EEF1D: variants seen among roughly 807,000 people sequenced by gnomAD.
EEF1D encodes the protein elongation factor 1-delta.
A neutral mutation model predicts 63.9 loss-of-function variants in EEF1D; 47 were observed. The observed-to-expected ratio is 0.74, with a 90% CI of 0.58 to 0.94. The LOEUF (loss-of-function observed/expected upper bound fraction) is 0.94, where lower values mean the gene tolerates loss of function less well. Among genes scored for constraint, EEF1D ranks in the 40% least tolerant of loss-of-function variants. The pLI is 0.00. For synonymous variants in EEF1D, 412 were observed against 386.1 expected (o/e 1.07, Z -0.79); for missense variants, 907 against 899.0 (o/e 1.01, Z -0.11).
At chr8:143,583,030 A>G (rs1056046742) in intron 5 of EEF1D, 1 of 152,240 alleles carries the variant, frequency 6.6e-6, no homozygotes, top group African/African-American at 2.4e-5. Flanking sequence ...CACATGCTGG[A>G]GTCTTATCCC....
chr8:143,583,279 G>A (rs746179226), intron 5 of EEF1D: 6 of 152,266 alleles, frequency 3.9e-5, no homozygotes, highest in Non-Finnish European at 8.8e-5. Context: ...CTCCAGAGCT[G>A]TGAGAAAATA....
At chr8:143,580,825 G>T in intron 7 of EEF1D, 98 bp from the exon 8 acceptor site, 1 of 1,421,500 alleles carries the variant, frequency 7.0e-7, no homozygotes, top group South Asian at 1.2e-5. Flanking sequence ...CCTTTGACTG[G>T]AGGAAGGGCA....
intron 2 of EEF1D, among the ~76,000 whole-genome samples, chr8:143,591,751 A>G (rs893377043): frequency 6.6e-6 from 1 of 152,266 alleles, no homozygotes; most frequent in Non-Finnish European, 1.5e-5. Flanking sequence ...GGTCAAGAGC[A>G]GACCCTTCAC....
intron 4 of EEF1D, 119 bp downstream of exon 4, chr8:143,586,610 A>G: frequency 1.4e-6 from 2 of 1,425,458 alleles, no homozygotes; most frequent in South Asian, 1.3e-5. Flanking sequence ...CAGCACCCAC[A>G]GCAGAGCCAC....
Position 143,590,178 on chromosome 8 carries a change from C to T in EEF1D, c.1-97G>A, listed in dbSNP as rs115597434. The T allele has an allele frequency of 2.3e-3, 3,596 of 1,543,814 alleles. 72 individuals carry two copies. The African/African-American group carries it at 0.042, about 18-fold the overall frequency. On this transcript the variant is annotated intron_variant, in intron 2 of 9. Coordinates refer to ENST00000618139, the MANE Select transcript of EEF1D (RefSeq NM_001130053.5). ...CCACCCTCCCCGTGCCCGCCCTCCC[C>T]GTGGCTGCCCTCCCTGGGCAGGGGC...
At chr8:143,592,588 G>A (rs1828159110) in intron 2 of EEF1D, 59 bp downstream of exon 2, 1 of 983,070 alleles carries the variant, frequency 1.0e-6, no homozygotes, top group African/African-American at 1.7e-5. Context: ...TGCAGCGAGG[G>A]CTGGGGGTTC....
Position 143,589,655 on chromosome 8 carries a change from C to A in EEF1D, c.427G>T (p.Ala143Ser). The change falls in exon 3 of 10, where the codon GCC (alanine) becomes TCC (serine). Residue 143 changes from alanine to serine, a missense_variant. Coordinates refer to ENST00000618139, the MANE Select transcript of EEF1D (RefSeq NM_001130053.5). ...CCATGGGTGCAGAGACCCCAAGGGG[C>A]CAAGGCAGGAGGCCAGGCTGCCTGG... Reference protein sequence around the residue: ...AAQAAWPPALAPWGLCTHGNQ... With the variant: ...AAQAAWPPALSPWGLCTHGNQ... 1 of 1,541,666 alleles carries A rather than the reference C, an allele frequency of 6.5e-7. No homozygotes were observed. The highest frequency in any genetic ancestry group is 8.7e-7 in the Non-Finnish European group (1 of 1,143,138).
chr8:143,592,274 G>A, intron 2 of EEF1D: 2 of 985,450 alleles, frequency 2.0e-6, no homozygotes, highest in South Asian at 4.7e-5. Context: ...TGCCCTACCA[G>A]ACTTTATTGG....
intron 1 of EEF1D, among the ~76,000 whole-genome samples, chr8:143,595,361 C>T (rs937840618): frequency 2.0e-5 from 3 of 152,018 alleles, no homozygotes; most frequent in Non-Finnish European, 4.4e-5. Flanking sequence ...ATGAGCCATG[C>T]GCCCAGCCTA....
intron 1 of EEF1D, chr8:143,592,984 C>T (rs1828224653): frequency 6.6e-6 from 1 of 152,334 alleles, no homozygotes; most frequent in Admixed American, 6.5e-5. Context: ...CAACCTTTCC[C>T]AAATCCACCC....
At position 143,579,786 on chromosome 8, in the gene EEF1D, C is replaced by A. The variant is rs374621544; in HGVS notation, c.*6G>T. 12 of 1,557,812 alleles carry A rather than the reference C, an allele frequency of 7.7e-6. No individual in the cohort carries two copies. The highest frequency in any genetic ancestry group is 1.0e-5 in the Non-Finnish European group (12 of 1,150,694). ...ACGCACGCGCGCACGTACACACACT[C>A]AGGCTTCAGATCTTGTTGAAAGCTG... On this transcript the variant is annotated 3_prime_UTR_variant, in exon 10 of 10. Coordinates refer to ENST00000618139, the MANE Select transcript of EEF1D (RefSeq NM_001130053.5).
Position 143,581,126 on chromosome 8 carries a change from G to C in EEF1D, c.1416C>G (p.Ser472=). The change falls in exon 7 of 10, where the codon TCC becomes TCG. Residue 472 remains serine (S), a synonymous_variant. Coordinates refer to ENST00000618139, the MANE Select transcript of EEF1D (RefSeq NM_001130053.5). ...GVVQELQQAI[S]KLEARLNVLE... ...GCACGTTCAGCCGGGCCTCCAGCTT[G>C]GAGATGGCCTGCTGCAGCTCCTGTA... 1 of 1,613,010 alleles carries C rather than the reference G, an allele frequency of 6.2e-7. No individual in the cohort carries two copies. Among genetic ancestry groups the C allele is most frequent in the Non-Finnish European group, 8.5e-7 (1 of 1,179,972 alleles).
At chr8:143,583,143 A>G (rs889382213) in intron 5 of EEF1D, 1 of 152,222 alleles carries the variant, frequency 6.6e-6, no homozygotes, top group African/African-American at 2.4e-5. Context: ...GTCCAATAAG[A>G]AGACATCAGG....
chr8:143,593,016 G>A (rs1240446376), intron 1 of EEF1D: 2 of 152,346 alleles, frequency 1.3e-5, no homozygotes, highest in Non-Finnish European at 2.9e-5. Flanking sequence ...ACCTGAGCAA[G>A]GTAGCCTGAG....
intron 2 of EEF1D, chr8:143,590,895 G>A (rs58016285): frequency 0.063 from 9,622 of 152,238 alleles, 376 homozygotes; most frequent in Middle Eastern, 0.092. Flanking sequence ...CAACAGAGCA[G>A]GGGAAAAGAA....
intron 4 of EEF1D, 120 bp downstream of exon 4, chr8:143,586,609 C>A: frequency 7.0e-7 from 1 of 1,426,868 alleles, no homozygotes; most frequent in Non-Finnish European, 9.5e-7. Context: ...CCAGCACCCA[C>A]AGCAGAGCCA....
chr8:143,595,560 T>G (rs1185371841), intron 1 of EEF1D, among the ~76,000 whole-genome samples: 1 of 152,182 alleles, frequency 6.6e-6, no homozygotes, highest in Non-Finnish European at 1.5e-5. Flanking sequence ...ACTCAGCCAC[T>G]TTCCTGTCTG....
chr8:143,596,040 C>G (rs1191047094), intron 1 of EEF1D: 1 of 152,398 alleles, frequency 6.6e-6, no homozygotes, highest in Non-Finnish European at 1.5e-5. Flanking sequence ...CGCCAGTGCA[C>G]GGCACAGCCC....
intron 3 of EEF1D, among the ~76,000 whole-genome samples, chr8:143,588,102 G>C (rs1327507704): frequency 6.6e-6 from 1 of 152,184 alleles, no homozygotes; most frequent in South Asian, 2.1e-4. Context: ...GTGAACACCA[G>C]GGCAGGTGGA....
Sources: gnomAD v4.1 joint callset for allele counts (sites outside exome capture counted in the v4.1 genomes callset) on GRCh38, gnomAD v4.1.1 for gene constraint, MANE v1.5 for transcripts, NCBI Gene and HGNC (gene_info 2026-07-23, HGNC 2026-07-21) for gene names.